RYR2: variants seen among roughly 807,000 people sequenced by gnomAD.
RYR2 encodes the protein cardiac muscle ryanodine receptor-calcium release channel.
A neutral mutation model predicts 601.1 loss-of-function variants in RYR2; 227 were observed. The observed-to-expected ratio is 0.38, with a 90% confidence interval of 0.34 to 0.42. The LOEUF is 0.42. Ranked by LOEUF, RYR2 falls within the 10% of genes least tolerant of loss-of-function variation. The pLI is 1.00. For missense variants in RYR2, 4,646 were observed against 6,156.5 expected (o/e 0.75, Z 8.21); for synonymous variants, 2,223 against 2,175.1 (o/e 1.02, Z -0.61).
chr1:237,797,335 T>C (rs1278801637), intron 96 of RYR2, among the ~76,000 whole-genome samples: 1 of 152,070 alleles, frequency 6.6e-6, no homozygotes, highest in Non-Finnish European at 1.5e-5. Flanking sequence ...TAGATGCTAA[T>C]TAAAATGAGG....
chr1:237,273,835 A>G (rs1689958177), intron 2 of RYR2, among the ~76,000 whole-genome samples: 1 of 149,060 alleles, frequency 6.7e-6, no homozygotes, highest in Non-Finnish European at 1.5e-5. Context: ...CAAAAGAGAT[A>G]TATAAAAATA....
At chr1:237,699,075 G>GTA (rs755016361) in intron 64 of RYR2, 50 bp downstream of exon 64, 30 of 849,452 alleles carry the variant, frequency 3.5e-5, no homozygotes, top group African/African-American at 6.8e-5. Flanking sequence ...AATGATACAT[G>GTA]TATATATATA....
chr1:237,343,365 G>A (rs192272162), intron 3 of RYR2, among the ~76,000 whole-genome samples: 135 of 152,290 alleles, frequency 8.9e-4, no homozygotes, highest in Admixed American at 2.6e-3. Flanking sequence ...TTCATAAGCT[G>A]GTGTTAATTG....
At chr1:237,791,566 T>C in intron 93 of RYR2, 51 bp downstream of exon 93, 2 of 931,398 alleles carry the variant, frequency 2.1e-6, no homozygotes, top group Non-Finnish European at 3.4e-6. Context: ...CAAATAGAAA[T>C]GAATGTAAAG....
At chr1:237,675,180 A>G (rs1274602563) in intron 60 of RYR2, among the ~76,000 whole-genome samples, 3 of 152,192 alleles carry the variant, frequency 2.0e-5, no homozygotes, top group Non-Finnish European at 2.9e-5. Flanking sequence ...TGCTCTACTC[A>G]TAAGAAAAAC....
intron 29 of RYR2, among the ~76,000 whole-genome samples, chr1:237,570,137 G>A (rs1287784066): frequency 1.3e-5 from 2 of 149,846 alleles, no homozygotes; most frequent in Non-Finnish European, 3.0e-5. Flanking sequence ...AGAATTGCTC[G>A]AACCCAGGAG....
At chr1:237,309,638 A>T (rs562516559) in intron 2 of RYR2, among the ~76,000 whole-genome samples, 2 of 152,298 alleles carry the variant, frequency 1.3e-5, no homozygotes, top group South Asian at 4.1e-4. Flanking sequence ...CACACTCCTC[A>T]GCCCTTGGGC....
intron 79 of RYR2, among the ~76,000 whole-genome samples, chr1:237,736,173 G>A (rs1275260144): frequency 6.6e-6 from 1 of 151,924 alleles, no homozygotes; most frequent in Non-Finnish European, 1.5e-5. Context: ...AAAGATAAAA[G>A]GATAGGGCTG....
At chr1:237,307,348 G>T (rs1300726612) in intron 2 of RYR2, among the ~76,000 whole-genome samples, 3 of 152,176 alleles carry the variant, frequency 2.0e-5, no homozygotes, top group Non-Finnish European at 4.4e-5. Flanking sequence ...GACAAATTGT[G>T]CTTAGCATGA....
At chr1:237,306,257 C>T (rs10925364) in intron 2 of RYR2, among the ~76,000 whole-genome samples, 41,920 of 152,016 alleles carry the variant, frequency 0.28, 6,261 homozygotes, top group South Asian at 0.37. Context: ...TTGTGTTCAG[C>T]CACAAAATGT....
chr1:237,305,004 G>A (rs1693733850), intron 2 of RYR2, among the ~76,000 whole-genome samples: 1 of 152,140 alleles, frequency 6.6e-6, no homozygotes. Context: ...AAAGCACAAC[G>A]AGGTATCATT....
chr1:237,410,056 C>T (rs1167822371), intron 10 of RYR2, among the ~76,000 whole-genome samples: 3 of 152,120 alleles, frequency 2.0e-5, no homozygotes, highest in Non-Finnish European at 2.9e-5. Context: ...TTCCCCATTG[C>T]TCTAAAGTCA....
At chr1:237,571,592 G>A (rs957611123) in intron 29 of RYR2, among the ~76,000 whole-genome samples, 1 of 152,126 alleles carries the variant, frequency 6.6e-6, no homozygotes, top group African/African-American at 2.4e-5. Context: ...TGGGAATATA[G>A]GCGTGAGCCA....
At chr1:237,785,753 AAGTTTGTCCCTGCTGCTGGTGC>A (rs1284646790) in intron 90 of RYR2, among the ~76,000 whole-genome samples, 194 bp from the exon 91 acceptor site, 1 of 152,178 alleles carries the variant, frequency 6.6e-6, no homozygotes, top group Non-Finnish European at 1.5e-5. Flanking sequence ...GGAGTCCAGA[AAGTTTGTCCCTGCTGCTGGTGC>A]AGTAGGTCAG....
intron 1 of RYR2, among the ~76,000 whole-genome samples, chr1:237,048,617 G>A (rs1046731041): frequency 2.0e-5 from 3 of 151,988 alleles, no homozygotes; most frequent in African/African-American, 7.3e-5. Context: ...GAGTTTTCTT[G>A]GATCACTCTA....
intron 24 of RYR2, among the ~76,000 whole-genome samples, chr1:237,517,326 G>A (rs909730100): frequency 2.0e-5 from 3 of 152,044 alleles, no homozygotes; most frequent in Admixed American, 1.3e-4. Flanking sequence ...ACCTGATAGT[G>A]TGTTTATAAC....
intron 40 of RYR2, among the ~76,000 whole-genome samples, chr1:237,626,401 T>TA (rs539304403): frequency 7.3e-5 from 11 of 150,506 alleles, no homozygotes; most frequent in South Asian, 4.2e-4. Flanking sequence ...TTCCCTGAAA[T>TA]AAAAAAAAAT....
chr1:237,123,024 G>A (rs1289386615), intron 1 of RYR2, among the ~76,000 whole-genome samples: 1 of 152,318 alleles, frequency 6.6e-6, no homozygotes, highest in African/African-American at 2.4e-5. Flanking sequence ...GGTGGATTGT[G>A]TATTATGCAA....
At chr1:237,188,527 T>A (rs1679616686) in intron 1 of RYR2, among the ~76,000 whole-genome samples, 1 of 152,180 alleles carries the variant, frequency 6.6e-6, no homozygotes, top group African/African-American at 2.4e-5. Context: ...GCTCAGTGCC[T>A]GGCAGTTATC....
Sources: allele counts gnomAD v4.1 joint callset (sites outside exome capture counted in the v4.1 genomes callset), GRCh38; gene constraint gnomAD v4.1.1; transcripts MANE v1.5; gene names NCBI Gene and HGNC (gene_info 2026-07-23, HGNC 2026-07-21).